Variants in DBH observed in about 807,000 individuals in gnomAD.
The protein encoded by DBH is dopamine beta-hydroxylase (dopamine beta-monooxygenase).
Under a neutral mutation model 64.0 loss-of-function variants are expected in DBH, and 49 were observed. The observed-to-expected ratio is 0.77, with a 90% confidence interval of 0.61 to 0.97. DBH has a LOEUF of 0.97. DBH is among the 50% of genes least tolerant of loss of function. The pLI, the probability that DBH is intolerant of heterozygous loss-of-function variation, is 0.00. For missense variants in DBH, 828 were observed against 826.6 expected (o/e 1.00, Z -0.02); for synonymous variants, 343 against 347.1 (o/e 0.99, Z 0.13).
At position 133,658,625 on chromosome 9, in the gene DBH, G is replaced by A; in HGVS notation, c.*178G>A. On this transcript the variant is annotated 3_prime_UTR_variant, in exon 12 of 12. Coordinates refer to ENST00000393056, the MANE Select transcript of DBH (RefSeq NM_000787.4). ...CAGCCTTCTTCCCCCAGGGTCCCCT[G>A]CATGGCTGAGAGGGTGTGGGTGCCC... The A allele has an allele frequency of 2.8e-6, 2 of 711,280 alleles. No individual in the cohort carries two copies. The highest frequency in any genetic ancestry group is 4.4e-6 in the Non-Finnish European group (2 of 455,278). 44.1% of individuals were successfully genotyped at this position (711,280 alleles called of 1,614,324 possible). A position where few individuals can be genotyped will look rare whatever the true frequency, so the allele number is the denominator to read the frequency against.
rs1359549280 is a variant in DBH, at chr9:133,657,217, C to T, written c.1710C>T (p.Ala570=). Residue 570 remains alanine (A), a synonymous_variant, in exon 11 of 12, where the codon GCC becomes GCT. Transcript: ENST00000393056. ...CCATGCACTGCAACAAGTCCTCAGC[C>T]GTCCGCTTCCAGGTGCGCTGCCATG... ...PISMHCNKSS[A]VRFQGEWNLQ... The T allele has an allele frequency of 1.5e-5, 24 of 1,613,854 alleles. No individual in the cohort carries two copies. Among genetic ancestry groups the T allele is most frequent in the East Asian group, 6.7e-5 (3 of 44,894 alleles).
intron 11 of DBH, among the ~76,000 whole-genome samples, chr9:133,657,644 A>C (rs946299835): frequency 2.6e-5 from 4 of 152,198 alleles, no homozygotes; most frequent in African/African-American, 9.7e-5. Context: ...CTGCCTAAAA[A>C]TAAAGCACCA....
rs375968909 is a variant in DBH, at chr9:133,656,610, G to T, written c.1522G>T (p.Asp508Tyr). The change falls in exon 10 of 12, where the codon GAC (aspartate) becomes TAC (tyrosine). Residue 508 changes from aspartate to tyrosine, a missense_variant. Physicochemically the swap from Asp to Tyr is radical, Grantham distance 160. Coordinates refer to ENST00000393056, the MANE Select transcript of DBH (RefSeq NM_000787.4). Reference protein sequence around the residue: ...TQLELCKSAVDAGFLQKYFHL... With the variant: ...TQLELCKSAVYAGFLQKYFHL... ...GCTGGAGCTCTGCAAGAGCGCTGTG[G>T]ACGCCGGCTTCCTGCAGAAGTACTT... 6.2e-7 allele frequency: 1 copy of T among 1,613,460 alleles called. No homozygotes were observed. Among genetic ancestry groups the T allele is most frequent in the East Asian group, 2.2e-5 (1 of 44,882 alleles).
At chr9:133,645,175 T>C (rs1323782819) in intron 5 of DBH, among the ~76,000 whole-genome samples, 3 of 151,618 alleles carry the variant, frequency 2.0e-5, no homozygotes, top group Admixed American at 2.0e-4. Context: ...ATTGTGAAGC[T>C]GGGAAAGGCT....
chr9:133,642,061 C>A, intron 2 of DBH, 146 bp from the exon 3 acceptor site: 2 of 1,162,112 alleles, frequency 1.7e-6, no homozygotes, highest in Admixed American at 2.0e-5. Flanking sequence ...CAGGGCCATG[C>A]AAGCCTCAAG....
Position 133,657,117 on chromosome 9 carries a change from A to C in DBH, c.1610A>C (p.Gln537Pro), listed in dbSNP as rs1201618564. ...VCTCPQASVS[Q>P]QFTSVPWNSF... is the part of the protein sequence containing the mutation. ...ACCTGCCCTCAGGCGTCCGTGTCTC[A>C]GCAGTTCACCTCTGTTCCCTGGAAC... The change falls in exon 11 of 12, where the codon CAG (glutamine) becomes CCG (proline). Residue 537 changes from glutamine to proline, a missense_variant. By Grantham distance (76) the Gln-to-Pro change is moderately conservative. Coordinates refer to ENST00000393056, the MANE Select transcript of DBH (RefSeq NM_000787.4). The C allele has an allele frequency of 1.9e-6, 3 of 1,613,922 alleles. No homozygotes were observed. Among genetic ancestry groups the C allele is most frequent in the Admixed American group, 3.3e-5 (2 of 60,010 alleles).
Position 133,658,659 on chromosome 9 carries a change from T to G in DBH, c.*212T>G, listed in dbSNP as rs1412499896. ...AGAGGGTGTGGGTGCCCTGTTGACC[T>G]ACCCTGGACCGAGTGGACCACGACC... On this transcript the variant is annotated 3_prime_UTR_variant, in exon 12 of 12. Coordinates refer to ENST00000393056, the MANE Select transcript of DBH (RefSeq NM_000787.4). The G allele has an allele frequency of 5.9e-6, 3 of 507,836 alleles. No individual in the cohort carries two copies. Among genetic ancestry groups the G allele is most frequent in the Non-Finnish European group, 6.7e-6 (2 of 297,960 alleles). The allele number at this position is 507,836 out of a possible 1,614,324, so 31.5% of individuals were successfully genotyped here. A position where few individuals can be genotyped will look rare whatever the true frequency, so the allele number is the denominator to read the frequency against.
chr9:133,640,404 G>A (rs75537705), intron 2 of DBH, among the ~76,000 whole-genome samples: 12,000 of 152,172 alleles, frequency 0.079, 589 homozygotes, highest in African/African-American at 0.14. Flanking sequence ...TGTGAGGCTC[G>A]GGACAACTGC....
chr9:133,651,809 CCCACACCCTGCCA>C (rs921603712), intron 7 of DBH, 32 bp downstream of exon 7: 4 of 1,529,546 alleles, frequency 2.6e-6, no homozygotes, highest in Non-Finnish European at 3.5e-6. Flanking sequence ...CTGCCCCGCC[CCCACACCCTGCCA>C]CCACACGACC....
At chr9:133,637,225 C>A (rs1364149760) in intron 1 of DBH, among the ~76,000 whole-genome samples, 2 of 152,238 alleles carry the variant, frequency 1.3e-5, no homozygotes, top group Non-Finnish European at 2.9e-5. Context: ...GGTGCAGACA[C>A]CCTGCCCCTA....
At chr9:133,653,647 G>T (rs1480713824) in intron 9 of DBH, among the ~76,000 whole-genome samples, 1 of 152,120 alleles carries the variant, frequency 6.6e-6, no homozygotes, top group Non-Finnish European at 1.5e-5. Flanking sequence ...AGACATGGGT[G>T]GGGGTCAGGC....
intron 5 of DBH, among the ~76,000 whole-genome samples, chr9:133,645,404 A>G (rs549796135): frequency 2.0e-5 from 3 of 152,302 alleles, no homozygotes; most frequent in African/African-American, 7.2e-5. Flanking sequence ...AAACTCCTGA[A>G]GCATCAGGGA....
intron 3 of DBH, among the ~76,000 whole-genome samples, chr9:133,642,951 G>C (rs1047467014): frequency 2.6e-5 from 4 of 152,204 alleles, no homozygotes; most frequent in African/African-American, 9.7e-5. Flanking sequence ...GAGGAAGTGT[G>C]GCCCAGGGAG....
intron 6 of DBH, among the ~76,000 whole-genome samples, chr9:133,649,521 C>T (rs1357346355): frequency 5.3e-5 from 8 of 152,314 alleles, no homozygotes; most frequent in Middle Eastern, 3.4e-3. Context: ...GTAAATGGGT[C>T]GATTGGGATT....
chr9:133,649,522 G>A (rs1010618783), intron 6 of DBH, among the ~76,000 whole-genome samples: 10 of 152,218 alleles, frequency 6.6e-5, no homozygotes, highest in African/African-American at 1.7e-4. Flanking sequence ...TAAATGGGTC[G>A]ATTGGGATTT....
At chr9:133,651,579 C>CGG in intron 6 of DBH, 55 bp from the exon 7 acceptor site, 1 of 1,609,220 alleles carries the variant, frequency 6.2e-7, no homozygotes, top group Non-Finnish European at 8.5e-7. Context: ...TGGCCATGGA[C>CGG]GGGAGGGTCC....
intron 5 of DBH, among the ~76,000 whole-genome samples, chr9:133,646,097 T>C (rs1588349517): frequency 1.3e-5 from 2 of 152,344 alleles, no homozygotes; most frequent in Admixed American, 1.3e-4. Context: ...CCCAGCTATG[T>C]GTCTGTCCTG....
chr9:133,649,038 TACTG>T (rs957909264), intron 6 of DBH, among the ~76,000 whole-genome samples: 2 of 152,234 alleles, frequency 1.3e-5, no homozygotes, highest in African/African-American at 2.4e-5. Flanking sequence ...TGCCCGGTTT[TACTG>T]ACCCACTGGA....
intron 10 of DBH, 49 bp from the exon 11 acceptor site, chr9:133,657,021 C>T (rs1352235119): frequency 6.2e-7 from 1 of 1,608,812 alleles, no homozygotes; most frequent in Non-Finnish European, 8.5e-7. Context: ...CCACTGGGCT[C>T]CCTGCCCGTC....
Sources: allele counts gnomAD v4.1 joint callset (sites outside exome capture counted in the v4.1 genomes callset), GRCh38; gene constraint gnomAD v4.1.1; transcripts MANE v1.5; gene names NCBI Gene and HGNC (gene_info 2026-07-23, HGNC 2026-07-21).